Variants in CUX1 observed in about 807,000 individuals in gnomAD.
CUX1 encodes protein CASP.
Under a neutral mutation model 158.8 loss-of-function variants are expected in CUX1, and 31 were observed. The observed-to-expected ratio is 0.20, with a 90% CI of 0.15 to 0.26. CUX1 has a LOEUF of 0.26. CUX1 is among the 10% of genes least tolerant of loss of function. CUX1 has a pLI of 1.00. For missense variants in CUX1, 1,589 were observed against 2,014.6 expected, an observed-to-expected ratio of 0.79 and a Z score of 4.04; for synonymous variants, 879 against 862.1, an observed-to-expected ratio of 1.02 and a Z score of -0.34.
At chr7:101,901,006 A>G (rs139546558) in intron 1 of CUX1, among the ~76,000 whole-genome samples, 29 of 152,284 alleles carry the variant, frequency 1.9e-4, no homozygotes, top group African/African-American at 6.0e-4. Context: ...TTCTGTTTAT[A>G]TATCACATAG....
rs188414592 is a variant in CUX1 at position 102,072,522 on chromosome 7, G to A, written c.268+2105G>A. Among the ~76,000 whole-genome samples, 17 of 152,278 alleles carry A rather than the reference G, an allele frequency of 1.1e-4. No individual in the cohort carries two copies. The East Asian group carries it at 2.9e-3, about 26-fold the overall frequency. On this transcript the variant is annotated intron_variant, in intron 4 of 23. Coordinates refer to ENST00000292535, the MANE Select transcript of CUX1 (RefSeq NM_181552.4). ...TCAGAGGCTGAAGTTACAAAGTTAC[G>A]CTTCTCTGCAAACATCTGATTGGTT... is the stretch of plus-strand genomic sequence containing the variant.
chr7:102,026,379 A>G (rs1327666169), intron 2 of CUX1, among the ~76,000 whole-genome samples: 1 of 152,192 alleles, frequency 6.6e-6, no homozygotes, highest in African/African-American at 2.4e-5. Flanking sequence ...AAATAAGCAC[A>G]TATGGCTGTA....
intron 1 of CUX1, among the ~76,000 whole-genome samples, chr7:101,857,533 C>T (rs949559901): frequency 5.9e-5 from 9 of 152,052 alleles, no homozygotes; most frequent in African/African-American, 2.2e-4. Flanking sequence ...TCAGGTGAAG[C>T]GAGGATGGGG....
At chr7:102,043,564 A>G (rs141954874) in intron 3 of CUX1, among the ~76,000 whole-genome samples, 9 of 152,086 alleles carry the variant, frequency 5.9e-5, no homozygotes, top group South Asian at 4.2e-4. Context: ...CCTAGCACCA[A>G]TCTCCTGCGT....
At chr7:102,184,379 C>T (rs1554514738) in intron 11 of CUX1, among the ~76,000 whole-genome samples, 1 of 152,198 alleles carries the variant, frequency 6.6e-6, no homozygotes, top group Non-Finnish European at 1.5e-5. Context: ...CATGTGGGCT[C>T]CGTGTATCTT....
intron 2 of CUX1, among the ~76,000 whole-genome samples, chr7:101,970,467 A>G (rs531873090): frequency 9.9e-5 from 15 of 151,950 alleles, no homozygotes; most frequent in Non-Finnish European, 1.9e-4. Context: ...GTTTGCACAC[A>G]CCCCAGGATT....
At chr7:101,982,585 C>T (rs1813575555) in intron 2 of CUX1, among the ~76,000 whole-genome samples, 2 of 152,000 alleles carry the variant, frequency 1.3e-5, no homozygotes, top group Non-Finnish European at 2.9e-5. Flanking sequence ...GGCCACCATG[C>T]CCGGCTAATT....
chr7:102,201,469 C>G lies in CUX1; in HGVS notation c.2172C>G (p.Leu724=), dbSNP rs1795431856. 11 of 1,614,112 alleles carry G rather than the reference C, an allele frequency of 6.8e-6. No homozygotes were observed. Among genetic ancestry groups the G allele is most frequent in the Non-Finnish European group, 9.3e-6 (11 of 1,180,020 alleles). The change falls in exon 18 of 24, where the codon CTC becomes CTG. Residue 724 remains leucine, a synonymous_variant. Transcript: ENST00000292535. The surrounding 1 kb of genome is among the most constrained non-coding windows in gnomAD (Gnocchi z 5.0). ...RREMEAQQAA[L]DPALKQAPLS... Reference sequence around the variant, plus strand: ...AGATGGAGGCCCAGCAGGCTGCCCTCGACCCTGCCTTAAAGCAGGCACCAC... The same window carrying G: ...AGATGGAGGCCCAGCAGGCTGCCCTGGACCCTGCCTTAAAGCAGGCACCAC...
At chr7:101,963,652 A>G (rs188707227) in intron 2 of CUX1, among the ~76,000 whole-genome samples, 36 of 151,742 alleles carry the variant, frequency 2.4e-4, no homozygotes, top group South Asian at 1.2e-3. Flanking sequence ...AAGCCTATGT[A>G]TATATATATA....
chr7:101,945,777 T>G (rs1263511865), intron 2 of CUX1, among the ~76,000 whole-genome samples: 1 of 152,184 alleles, frequency 6.6e-6, no homozygotes, highest in Non-Finnish European at 1.5e-5. Context: ...CAGACGTGTC[T>G]GCTGTCCCAA....
At chr7:102,138,223 A>G (rs1223924939) in intron 8 of CUX1, among the ~76,000 whole-genome samples, 1 of 152,238 alleles carries the variant, frequency 6.6e-6, no homozygotes, top group Non-Finnish European at 1.5e-5. Flanking sequence ...CTTTTTACTC[A>G]AAATGTGTTT....
At chr7:101,854,744 T>C (rs1796606377) in intron 1 of CUX1, among the ~76,000 whole-genome samples, 2 of 152,204 alleles carry the variant, frequency 1.3e-5, no homozygotes, top group Admixed American at 1.3e-4. Context: ...CTCAGTTTTC[T>C]TTCTTTTTTT....
intron 8 of CUX1, among the ~76,000 whole-genome samples, chr7:102,141,502 G>A (rs1834455692): frequency 6.6e-6 from 1 of 152,176 alleles, no homozygotes; most frequent in African/African-American, 2.4e-5. Context: ...CCAGGGAGGT[G>A]GGCCCAGGAA....
chr7:102,152,177 TA>T (rs1835766583), intron 8 of CUX1, among the ~76,000 whole-genome samples: 1 of 152,092 alleles, frequency 6.6e-6, no homozygotes, highest in Non-Finnish European at 1.5e-5. Flanking sequence ...CCCCTGTCTC[TA>T]AAAAACAAAT....
intron 2 of CUX1, among the ~76,000 whole-genome samples, chr7:101,963,648 A>ATG (rs1289502502): frequency 6.6e-6 from 1 of 151,998 alleles, no homozygotes; most frequent in Non-Finnish European, 1.5e-5. Flanking sequence ...ACACAAGCCT[A>ATG]TGTATATATA....
At chr7:102,106,079 C>CTTTTTT (rs782580660) in intron 6 of CUX1, among the ~76,000 whole-genome samples, 43 of 72,278 alleles carry the variant, frequency 5.9e-4, no homozygotes, top group Admixed American at 8.1e-4. Context: ...TTTCTTTTTT[C>CTTTTTT]TTTTTTTTTT....
chr7:102,011,156 G>A (rs1817961692), intron 2 of CUX1, among the ~76,000 whole-genome samples: 1 of 152,086 alleles, frequency 6.6e-6, no homozygotes, highest in Non-Finnish European at 1.5e-5. Context: ...GTTATTGACG[G>A]TCTCTTTGTT....
chr7:101,906,014 C>T (rs994101393), intron 1 of CUX1, among the ~76,000 whole-genome samples: 1 of 150,550 alleles, frequency 6.6e-6, no homozygotes, highest in African/African-American at 2.4e-5. Context: ...TCTGGAGAGA[C>T]AGGGTGTTAC....
chr7:102,009,510 C>T (rs2129292612), intron 2 of CUX1, among the ~76,000 whole-genome samples: 1 of 152,358 alleles, frequency 6.6e-6, no homozygotes, highest in Admixed American at 6.5e-5. Flanking sequence ...TCAGGCTGGT[C>T]TCGAACTCCT....
Sources: gnomAD v4.1 joint callset for allele counts (sites outside exome capture counted in the v4.1 genomes callset) on GRCh38, gnomAD v4.1.1 for gene constraint, Gnocchi (gnomAD v3.1) non-coding constraint, MANE v1.5 for transcripts, NCBI Gene and HGNC (gene_info 2026-07-23, HGNC 2026-07-21) for gene names.